Variants in PPP2R2B observed in about 807,000 individuals in gnomAD.
PPP2R2B encodes serine/threonine-protein phosphatase 2A 55 kDa regulatory subunit B beta isoform.
A neutral mutation model predicts 46.0 loss-of-function variants in PPP2R2B; 5 were observed. That is an observed-to-expected ratio of 0.11 (90% CI 0.06 to 0.23). PPP2R2B has a LOEUF of 0.23. Among genes scored for constraint, PPP2R2B ranks in the 10% least tolerant of loss-of-function variants. The pLI is 1.00. For missense variants in PPP2R2B, 367 were observed against 575.0 expected (o/e 0.64, Z 3.70); for synonymous variants, 215 against 206.7 (o/e 1.04, Z -0.34).
chr5:146,927,490 A>C (rs1339717939), intron 1 of PPP2R2B, among the ~76,000 whole-genome samples: 3 of 152,218 alleles, frequency 2.0e-5, no homozygotes, highest in Non-Finnish European at 2.9e-5. Context: ...AAAAGCATTC[A>C]GTGAACTCTC....
intron 2 of PPP2R2B, among the ~76,000 whole-genome samples, chr5:146,861,376 A>G (rs960902176): frequency 6.2e-4 from 94 of 151,582 alleles, no homozygotes; most frequent in African/African-American, 2.1e-3. Context: ...TATTTTTAGT[A>G]GAGGTGGGGT....
chr5:146,628,021 C>T (rs1218071568), intron 7 of PPP2R2B, among the ~76,000 whole-genome samples: 2 of 151,834 alleles, frequency 1.3e-5, no homozygotes, highest in East Asian at 1.9e-4. Flanking sequence ...CTCAGCTCAC[C>T]GCAACCTCCA....
intron 1 of PPP2R2B, among the ~76,000 whole-genome samples, chr5:146,937,420 A>G (rs1022852761): frequency 3.9e-5 from 6 of 152,130 alleles, no homozygotes; most frequent in African/African-American, 1.4e-4. Context: ...CGCTACCTCC[A>G]CACTCCTCAC....
intron 1 of PPP2R2B, among the ~76,000 whole-genome samples, chr5:146,990,790 G>A (rs1165225839): frequency 1.3e-5 from 2 of 151,934 alleles, no homozygotes; most frequent in East Asian, 3.8e-4. Flanking sequence ...ATATGGAGGG[G>A]TTGTTGCAAA....
intron 5 of PPP2R2B, among the ~76,000 whole-genome samples, chr5:146,680,569 C>T (rs79673749): frequency 0.044 from 6,646 of 149,840 alleles, 480 homozygotes; most frequent in African/African-American, 0.16. Flanking sequence ...AAAACCACAG[C>T]GTTGCACACA....
intron 1 of PPP2R2B, among the ~76,000 whole-genome samples, chr5:146,995,216 A>G (rs898533263): frequency 7.2e-5 from 11 of 152,204 alleles, no homozygotes; most frequent in African/African-American, 2.7e-4. Context: ...CTTTCAAGCT[A>G]TATGTTTCCA....
At chr5:146,861,307 C>T (rs1335405759) in intron 2 of PPP2R2B, among the ~76,000 whole-genome samples, 3 of 151,924 alleles carry the variant, frequency 2.0e-5, no homozygotes, top group African/African-American at 7.3e-5. Context: ...CCGCCCAGCT[C>T]GGCCTCCCAA....
At chr5:146,673,328 G>T (rs1777493575) in intron 5 of PPP2R2B, among the ~76,000 whole-genome samples, 1 of 152,096 alleles carries the variant, frequency 6.6e-6, no homozygotes, top group South Asian at 2.1e-4. Context: ...GTCTAATGTT[G>T]TATCTTAATT....
At chr5:147,028,201 G>T (rs1472063865) in intron 1 of PPP2R2B, among the ~76,000 whole-genome samples, 19 of 152,144 alleles carry the variant, frequency 1.2e-4, no homozygotes, top group Admixed American at 9.2e-4. Flanking sequence ...TAGAAACAAA[G>T]AACTCAATAG....
chr5:147,050,242 G>T (rs1273117357), intron 1 of PPP2R2B, among the ~76,000 whole-genome samples: 1 of 152,174 alleles, frequency 6.6e-6, no homozygotes, highest in African/African-American at 2.4e-5. Flanking sequence ...ATAACTCCTT[G>T]AGTTGAGCAT....
At chr5:146,828,315 C>G (rs970931352) in intron 2 of PPP2R2B, among the ~76,000 whole-genome samples, 2 of 151,050 alleles carry the variant, frequency 1.3e-5, no homozygotes, top group African/African-American at 4.9e-5. Context: ...TAGATTAATA[C>G]TCAGATCCAT....
At position 146,961,412 on chromosome 5, in the gene PPP2R2B, T is replaced by A. The variant is rs1465773751; in HGVS notation, c.79+94253A>T. Among the ~76,000 whole-genome samples, 6 of 152,354 alleles carry A rather than the reference T, an allele frequency of 3.9e-5. No homozygotes were observed. In the East Asian group the frequency reaches 9.6e-4, roughly 24 times the overall value. On this transcript the variant is annotated intron_variant, in intron 1 of 8. Coordinates refer to the PPP2R2B transcript ENST00000336640. ...GTCTAGAAAGATTGTATTCATGTAC[T>A]ATTTCACCAAAAAAGTGTCTATTTT...
intron 5 of PPP2R2B, among the ~76,000 whole-genome samples, chr5:146,680,108 T>C (rs1294031965): frequency 6.6e-6 from 1 of 151,634 alleles, no homozygotes; most frequent in Non-Finnish European, 1.5e-5. Flanking sequence ...ATGTTTATTG[T>C]GGCATTATTC....
intron 2 of PPP2R2B, among the ~76,000 whole-genome samples, chr5:146,813,716 T>G (rs1370709437): frequency 6.6e-6 from 1 of 152,214 alleles, no homozygotes; most frequent in Non-Finnish European, 1.5e-5. Flanking sequence ...TTAGAACACC[T>G]GCTGTCTGAA....
Position 146,691,122 on chromosome 5 carries a change from A to T in PPP2R2B, c.447+6T>A. 1 of 1,612,936 alleles carries T rather than the reference A, an allele frequency of 6.2e-7. No individual in the cohort carries two copies. The highest frequency in any genetic ancestry group is 8.5e-7 in the Non-Finnish European group (1 of 1,179,376). ...TGTGGTGGCCAGGGCAGCTGTTTGC[A>T]CTCACCCGCAGGGTTGTGATGGTGG... On this transcript the variant is annotated splice_donor_region_variant and intron_variant, in intron 5 of 9. Coordinates refer to ENST00000394411, the MANE Select transcript of PPP2R2B (RefSeq NM_181675.4).
chr5:147,074,344 G>A (rs961127609), intron 2 of PPP2R2B, among the ~76,000 whole-genome samples: 17 of 152,170 alleles, frequency 1.1e-4, no homozygotes, highest in African/African-American at 4.1e-4. Context: ...GATTCCTTCT[G>A]CCTGAAATGG....
At chr5:146,804,793 G>C (rs1757076278) in intron 2 of PPP2R2B, among the ~76,000 whole-genome samples, 1 of 152,116 alleles carries the variant, frequency 6.6e-6, no homozygotes, top group Non-Finnish European at 1.5e-5. Context: ...AATCAAAGAG[G>C]AGCAGGTCGC....
intron 1 of PPP2R2B, among the ~76,000 whole-genome samples, chr5:146,998,066 C>T (rs1213346102): frequency 6.6e-6 from 1 of 152,178 alleles, no homozygotes; most frequent in Non-Finnish European, 1.5e-5. Flanking sequence ...GGGCTCCAGG[C>T]AAGGCTCATT....
At chr5:147,003,202 C>G (rs1299006796) in intron 1 of PPP2R2B, among the ~76,000 whole-genome samples, 2 of 152,126 alleles carry the variant, frequency 1.3e-5, no homozygotes, top group African/African-American at 4.8e-5. Context: ...TCTCAGCTTA[C>G]CTCCATATCC....
Sources: gnomAD v4.1 joint callset for allele counts (sites outside exome capture counted in the v4.1 genomes callset) on GRCh38, gnomAD v4.1.1 for gene constraint, MANE v1.5 for transcripts, NCBI Gene and HGNC (gene_info 2026-07-23, HGNC 2026-07-21) for gene names.